Variants in PRUNE2 observed in about 807,000 individuals in gnomAD.
PRUNE2 encodes the protein protein prune homolog 2.
In PRUNE2, 164 loss-of-function variants were observed where a neutral mutation model predicts 252.0. The ratio of observed to expected loss-of-function variants is 0.65; its 90% CI spans 0.57 to 0.74. The LOEUF is 0.74. Among genes scored for constraint, PRUNE2 ranks in the 30% least tolerant of loss-of-function variants. PRUNE2 has a pLI of 0.00. For synonymous variants in PRUNE2, 1,292 were observed against 1,350.2 expected, an observed-to-expected ratio of 0.96 and a Z score of 0.94; for missense variants, 3,495 against 3,711.0, an observed-to-expected ratio of 0.94 and a Z score of 1.51.
chr9:76,833,225 T>A (rs1379210896), intron 4 of PRUNE2, among the ~76,000 whole-genome samples: 5 of 152,122 alleles, frequency 3.3e-5, no homozygotes, highest in Non-Finnish European at 7.4e-5. Context: ...AATTCAACAA[T>A]TTATAATAGG....
At chr9:76,670,530 C>G (rs1037752783) in intron 9 of PRUNE2, among the ~76,000 whole-genome samples, 16 of 151,798 alleles carry the variant, frequency 1.1e-4, no homozygotes, top group Admixed American at 3.9e-4. Context: ...CCAGGAAGCT[C>G]GAACTGGGTG....
At chr9:76,888,175 C>T (rs1283646167) in intron 1 of PRUNE2, among the ~76,000 whole-genome samples, 1 of 152,192 alleles carries the variant, frequency 6.6e-6, no homozygotes, top group Non-Finnish European at 1.5e-5. Flanking sequence ...CATGGAACCA[C>T]GCACCACTAA....
chr9:76,782,658 A>G (rs1204420079), intron 6 of PRUNE2: 1 of 152,218 alleles, frequency 6.6e-6, no homozygotes, highest in African/African-American at 2.4e-5. Context: ...ATACTGTTCT[A>G]TGTCCTAAGG....
chr9:76,656,930 G>C (rs1308751109), intron 9 of PRUNE2, among the ~76,000 whole-genome samples: 1 of 152,164 alleles, frequency 6.6e-6, no homozygotes, highest in Non-Finnish European at 1.5e-5. Flanking sequence ...TGGCATGTAA[G>C]ACAGACAATA....
At chr9:76,686,170 C>T (rs1284831071) in intron 9 of PRUNE2, among the ~76,000 whole-genome samples, 4 of 152,188 alleles carry the variant, frequency 2.6e-5, no homozygotes, top group Non-Finnish European at 4.4e-5. Flanking sequence ...TAAATGTAAA[C>T]AGATATTCAG....
At chr9:76,680,513 C>G (rs2043309503) in intron 9 of PRUNE2, among the ~76,000 whole-genome samples, 1 of 152,142 alleles carries the variant, frequency 6.6e-6, no homozygotes. Flanking sequence ...AATAGAATTA[C>G]CATATGATTT....
At chr9:76,662,572 G>C (rs1247195835) in intron 9 of PRUNE2, among the ~76,000 whole-genome samples, 1 of 152,162 alleles carries the variant, frequency 6.6e-6, no homozygotes, top group East Asian at 1.9e-4. Flanking sequence ...TTTTTAACAG[G>C]AAATGAGCAG....
At chr9:76,627,832 G>C (rs1835595355) in intron 16 of PRUNE2, 1 of 424,756 alleles carries the variant, frequency 2.4e-6, no homozygotes, top group African/African-American at 2.1e-5. Flanking sequence ...TACGTCCCCT[G>C]CATCTGTAAA....
chr9:76,857,855 C>G (rs1446026030), intron 1 of PRUNE2, among the ~76,000 whole-genome samples: 1 of 151,994 alleles, frequency 6.6e-6, no homozygotes, highest in Admixed American at 6.6e-5. Context: ...TCTGGTGCAC[C>G]CTGAGGGAAT....
At chr9:76,857,461 C>T (rs1224802661) in intron 1 of PRUNE2, among the ~76,000 whole-genome samples, 2 of 152,088 alleles carry the variant, frequency 1.3e-5, no homozygotes, top group Admixed American at 1.3e-4. Flanking sequence ...GACAGCCCAA[C>T]CAGAAGGTAC....
At chr9:76,636,818 T>C (rs936454961) in intron 14 of PRUNE2, among the ~76,000 whole-genome samples, 5 of 151,958 alleles carry the variant, frequency 3.3e-5, no homozygotes, top group Admixed American at 2.0e-4. Flanking sequence ...TAGCTGGGCG[T>C]GGTGGTGCCC....
At chr9:76,626,279 G>A (rs1178689380) in intron 16 of PRUNE2, among the ~76,000 whole-genome samples, 1 of 152,208 alleles carries the variant, frequency 6.6e-6, no homozygotes, top group Non-Finnish European at 1.5e-5. Flanking sequence ...GGTTGGGCAA[G>A]TTTTTCTTTC....
At chr9:76,721,425 T>C (rs1376987673) in intron 6 of PRUNE2, among the ~76,000 whole-genome samples, 1 of 152,206 alleles carries the variant, frequency 6.6e-6, no homozygotes, top group East Asian at 1.9e-4. Flanking sequence ...AAATTACAGA[T>C]GAAATATATT....
intron 9 of PRUNE2, among the ~76,000 whole-genome samples, chr9:76,686,155 C>T (rs116162924): frequency 0.012 from 1,881 of 152,302 alleles, 42 homozygotes; most frequent in African/African-American, 0.041. Flanking sequence ...TATGTCTTCA[C>T]TGTATAAATG....
intron 6 of PRUNE2, among the ~76,000 whole-genome samples, chr9:76,820,419 T>C (rs1381230477): frequency 6.6e-6 from 1 of 152,216 alleles, no homozygotes; most frequent in Non-Finnish European, 1.5e-5. Context: ...CAGTGGTTTC[T>C]ACCTCCCAAA....
intron 9 of PRUNE2, among the ~76,000 whole-genome samples, chr9:76,698,051 AT>A (rs33999796): frequency 0.68 from 99,748 of 146,788 alleles, 34,531 homozygotes; most frequent in East Asian, 0.85. Flanking sequence ...AATGTAAAGG[AT>A]TTTTTTTTTT....
intron 6 of PRUNE2, among the ~76,000 whole-genome samples, chr9:76,776,517 T>TC (rs1191105197): frequency 7.4e-5 from 11 of 149,478 alleles, no homozygotes; most frequent in African/African-American, 2.8e-4. Flanking sequence ...TTTTCTTTTT[T>TC]CTTTTTTTTT....
intron 15 of PRUNE2, among the ~76,000 whole-genome samples, chr9:76,634,180 AT>A (rs1450233217): frequency 2.0e-5 from 3 of 152,222 alleles, no homozygotes; most frequent in African/African-American, 7.2e-5. Flanking sequence ...GATAATGCAA[AT>A]AAGCACTCAA....
At chr9:76,824,319 A>G (rs891548491) in intron 5 of PRUNE2, among the ~76,000 whole-genome samples, 2 of 152,186 alleles carry the variant, frequency 1.3e-5, no homozygotes, top group Non-Finnish European at 2.9e-5. Context: ...AAAAATTAAC[A>G]TCACCATGCA....
Sources: gnomAD v4.1 joint callset for allele counts (sites outside exome capture counted in the v4.1 genomes callset) on GRCh38, gnomAD v4.1.1 for gene constraint, MANE v1.5 for transcripts, NCBI Gene and HGNC (gene_info 2026-07-23, HGNC 2026-07-21) for gene names.